The following EXOC2 variants were observed in gnomAD, a reference collection of about 807,000 sequenced individuals.
The protein encoded by EXOC2 is exocyst complex component 2.
In EXOC2, 70 loss-of-function variants were observed where a neutral mutation model predicts 131.8. The ratio of observed to expected loss-of-function variants is 0.53; its 90% CI spans 0.44 to 0.65. EXOC2 has a LOEUF of 0.65. Ranked by LOEUF, EXOC2 falls within the 30% of genes least tolerant of loss-of-function variation. EXOC2 has a pLI of 0.00. For synonymous variants in EXOC2, 411 were observed against 398.4 expected, an observed-to-expected ratio of 1.03 and a Z score of -0.38; for missense variants, 923 against 1,108.6, an observed-to-expected ratio of 0.83 and a Z score of 2.38.
At chr6:493,955 G>C (rs1420387962) in intron 25 of EXOC2, among the ~76,000 whole-genome samples, 3 of 152,180 alleles carry the variant, frequency 2.0e-5, no homozygotes, top group Non-Finnish European at 4.4e-5. Flanking sequence ...ATGGATTACG[G>C]AGGTAATGTG....
intron 23 of EXOC2, among the ~76,000 whole-genome samples, chr6:529,939 G>A (rs1267115506): frequency 6.6e-6 from 1 of 152,198 alleles, no homozygotes. Context: ...CATGGTGCAA[G>A]GTAATACATT....
At chr6:594,871 C>A (rs1204252005) in intron 10 of EXOC2, among the ~76,000 whole-genome samples, 18 of 152,160 alleles carry the variant, frequency 1.2e-4, no homozygotes, top group Admixed American at 1.2e-3. Context: ...TTTCAAAACT[C>A]TGTTTAGAAT....
chr6:517,747 G>C (rs1765235860), intron 23 of EXOC2, among the ~76,000 whole-genome samples: 4 of 152,156 alleles, frequency 2.6e-5, no homozygotes, highest in Admixed American at 2.0e-4. Context: ...GGTATCTCCT[G>C]ATGGAAGTAA....
intron 1 of EXOC2, among the ~76,000 whole-genome samples, chr6:674,698 C>G (rs1241888300): frequency 4.0e-5 from 6 of 151,312 alleles, no homozygotes; most frequent in African/African-American, 1.2e-4. Context: ...AAAGTCCTGG[C>G]CCTTGTATTA....
intron 21 of EXOC2, 115 bp downstream of exon 21, chr6:553,739 A>ACAGTGTCCTATACCACGTGCTATAG: frequency 1.3e-6 from 1 of 781,312 alleles, no homozygotes. Context: ...AAAGCACAGC[A>ACAGTGTCCTATACCACGTGCTATAG]CAGTGTCCTA....
Position 532,535 on chromosome 6 carries a change from C to A in EXOC2, c.2314G>T (p.Val772Phe), listed in dbSNP as rs749910944. The change falls in exon 23 of 28, where the codon GTT becomes TTT. Residue 772 changes from valine (V) to phenylalanine (F), a missense_variant. Val to Phe is a conservative substitution (Grantham distance 50). Coordinates refer to ENST00000230449, the MANE Select transcript of EXOC2 (RefSeq NM_018303.6). ...NYIELKADPI[V>F]GSLEPGIYAG... ...TAAATTCCAGGTTCTAAGGAGCCAACGATGGGATCTGCTTTCAACTCGATG... is the reference window on the plus strand; with the variant it reads ...TAAATTCCAGGTTCTAAGGAGCCAAAGATGGGATCTGCTTTCAACTCGATG... The A allele has an allele frequency of 6.2e-7, 1 of 1,608,570 alleles. No homozygotes were observed. Among genetic ancestry groups the A allele is most frequent in the Non-Finnish European group, 8.5e-7 (1 of 1,178,376 alleles).
At chr6:674,712 ATGTT>A (rs556375852) in intron 1 of EXOC2, among the ~76,000 whole-genome samples, 3,324 of 148,652 alleles carry the variant, frequency 0.022, 54 homozygotes, top group Non-Finnish European at 0.032. Flanking sequence ...TGTATTAACC[ATGTT>A]TGTTTGTTTG....
intron 17 of EXOC2, among the ~76,000 whole-genome samples, chr6:558,079 G>A (rs527570213): frequency 3.9e-5 from 6 of 152,310 alleles, no homozygotes; most frequent in African/African-American, 1.4e-4. Flanking sequence ...AAAACACTGG[G>A]ACTGAGAACC....
chr6:621,670 A>T (rs1311903509), intron 4 of EXOC2, among the ~76,000 whole-genome samples: 1 of 152,036 alleles, frequency 6.6e-6, no homozygotes, highest in African/African-American at 2.4e-5. Context: ...TCGATCGTGC[A>T]TCTTTTCTCA....
chr6:555,014 T>C (rs1757343111), intron 20 of EXOC2, among the ~76,000 whole-genome samples: 1 of 152,214 alleles, frequency 6.6e-6, no homozygotes, highest in Non-Finnish European at 1.5e-5. Flanking sequence ...ATGTCTTCAA[T>C]TTGCTTGATT....
chr6:602,776 T>A (rs184694695), intron 7 of EXOC2, among the ~76,000 whole-genome samples: 36 of 152,278 alleles, frequency 2.4e-4, no homozygotes, highest in Admixed American at 3.9e-4. Context: ...AGCAATGATG[T>A]AAACACAGCG....
Position 579,814 on chromosome 6 carries a change from T to C in EXOC2, c.1193-2932A>G, listed in dbSNP as rs533922873. Among the ~76,000 whole-genome samples the C allele has an allele frequency of 2.5e-4, 38 of 152,002 alleles. 1 individual carries two copies. In the South Asian group the frequency reaches 7.7e-3, roughly 31 times the overall value. ...ATTCTGACACTCCTTTTAAATTACA[T>C]AACTTACTATTTCTGACTCACAAAA... On this transcript the variant is annotated intron_variant, in intron 11 of 27. Coordinates refer to ENST00000230449, the MANE Select transcript of EXOC2 (RefSeq NM_018303.6).
chr6:523,410 GAAC>G (rs999249777), intron 23 of EXOC2, among the ~76,000 whole-genome samples: 5 of 152,218 alleles, frequency 3.3e-5, no homozygotes, highest in African/African-American at 1.2e-4. Context: ...ACTGCTATTT[GAAC>G]AACTTGGAAA....
chr6:614,810 G>A (rs1004438220), intron 6 of EXOC2, among the ~76,000 whole-genome samples: 6 of 151,928 alleles, frequency 3.9e-5, no homozygotes, highest in African/African-American at 9.7e-5. Context: ...AACCACATCC[G>A]TCCGTCCTTT....
chr6:620,403 T>C (rs1761226178), intron 4 of EXOC2, among the ~76,000 whole-genome samples: 1 of 152,202 alleles, frequency 6.6e-6, no homozygotes, highest in Admixed American at 6.5e-5. Context: ...GGGACTATAC[T>C]GTCTCGCATG....
At chr6:532,010 A>G (rs1395865367) in intron 23 of EXOC2, among the ~76,000 whole-genome samples, 9 of 152,226 alleles carry the variant, frequency 5.9e-5, no homozygotes, top group Admixed American at 5.9e-4. Context: ...TCTTTGCTAA[A>G]TTACTATAAT....
intron 23 of EXOC2, among the ~76,000 whole-genome samples, chr6:517,000 T>C (rs755723778): frequency 5.3e-5 from 8 of 152,064 alleles, no homozygotes; most frequent in Admixed American, 2.0e-4. Context: ...ATGACCTGAA[T>C]GGAAGTGGTG....
chr6:609,569 T>C (rs1371297487), intron 7 of EXOC2, among the ~76,000 whole-genome samples: 1 of 152,202 alleles, frequency 6.6e-6, no homozygotes, highest in African/African-American at 2.4e-5. Context: ...CACATAGCCA[T>C]TTTCCCTGGG....
At chr6:657,535 A>C (rs1763191284) in intron 1 of EXOC2, among the ~76,000 whole-genome samples, 1 of 152,210 alleles carries the variant, frequency 6.6e-6, no homozygotes, top group Non-Finnish European at 1.5e-5. Context: ...GATGATTTCC[A>C]ATTTTTTGCT....
Sources: allele counts gnomAD v4.1 joint callset (sites outside exome capture counted in the v4.1 genomes callset), GRCh38; gene constraint gnomAD v4.1.1; transcripts MANE v1.5; gene names NCBI Gene and HGNC (gene_info 2026-07-23, HGNC 2026-07-21).